GRM7: variants seen among roughly 807,000 people sequenced by gnomAD.
The protein encoded by GRM7 is glutamate metabotropic receptor 7.
In GRM7, 35 loss-of-function variants were observed where a neutral mutation model predicts 84.5. That is an observed-to-expected ratio of 0.41 (90% confidence interval 0.32 to 0.55). The LOEUF is 0.55. Ranked by LOEUF, GRM7 falls within the 20% of genes least tolerant of loss-of-function variation. The probability of loss-of-function intolerance (pLI) is 0.19; values close to 1 mark genes in which losing one functional copy is unlikely to be tolerated. For missense variants in GRM7, 1,003 were observed against 1,194.6 expected (o/e 0.84, Z 2.36); for synonymous variants, 487 against 455.1 (o/e 1.07, Z -0.89).
intron 2 of GRM7, among the ~76,000 whole-genome samples, chr3:7,293,424 G>A (rs1699705388): frequency 6.6e-6 from 1 of 152,122 alleles, no homozygotes; most frequent in African/African-American, 2.4e-5. Context: ...TCTCTTGTAT[G>A]TATCACTCTC....
chr3:7,010,817 C>G (rs1411889685), intron 1 of GRM7, among the ~76,000 whole-genome samples: 2 of 152,128 alleles, frequency 1.3e-5, no homozygotes, highest in South Asian at 2.1e-4. Flanking sequence ...GGGAAACTGT[C>G]TGGGCAAGAT....
At chr3:7,075,140 T>G (rs1258271954) in intron 1 of GRM7, among the ~76,000 whole-genome samples, 1 of 152,166 alleles carries the variant, frequency 6.6e-6, no homozygotes, top group East Asian at 1.9e-4. Flanking sequence ...GCTCAGAAGG[T>G]CCTGGAGTCT....
intron 1 of GRM7, among the ~76,000 whole-genome samples, chr3:6,905,323 T>C (rs1279954631): frequency 6.6e-6 from 1 of 152,230 alleles, no homozygotes; most frequent in Non-Finnish European, 1.5e-5. Flanking sequence ...CCATTTGTTA[T>C]ATGAAGCTCT....
At chr3:7,169,773 G>T (rs190569819) in intron 2 of GRM7, among the ~76,000 whole-genome samples, 1 of 152,096 alleles carries the variant, frequency 6.6e-6, no homozygotes, top group Admixed American at 6.5e-5. Context: ...AAATAGAGAC[G>T]TACTTTTGCC....
At chr3:7,684,512 A>C (rs1244743518) in intron 9 of GRM7, among the ~76,000 whole-genome samples, 1 of 152,192 alleles carries the variant, frequency 6.6e-6, no homozygotes, top group South Asian at 2.1e-4. Flanking sequence ...GCAGTTTGCC[A>C]TCTGGTGCAT....
chr3:7,719,457 C>T (rs527987106), intron 9 of GRM7, among the ~76,000 whole-genome samples: 17 of 152,192 alleles, frequency 1.1e-4, no homozygotes, highest in Admixed American at 9.8e-4. Context: ...AGAGTTTAGA[C>T]CTCTCTAGTA....
intron 2 of GRM7, among the ~76,000 whole-genome samples, chr3:7,192,462 G>C (rs532450890): frequency 6.6e-6 from 1 of 152,162 alleles, no homozygotes; most frequent in African/African-American, 2.4e-5. Context: ...GGTTGACCTC[G>C]ACTCTGTCAC....
rs555537087 is a variant in GRM7 at position 6,877,406 on chromosome 3, G to T, written c.519+15499G>T. ...AATAGCTTTGGATTTGTTATGAAAA[G>T]TGGGTATGTTCATGGACTTCATGGT... On this transcript the variant is annotated intron_variant, in intron 1 of 9. Coordinates refer to ENST00000357716, the MANE Select transcript of GRM7 (RefSeq NM_000844.4). 2.0e-5 allele frequency among the ~76,000 whole-genome samples: 3 copies of T among 152,300 alleles called. No individual in the cohort carries two copies. In the South Asian group the frequency reaches 6.2e-4, roughly 32 times the overall value.
chr3:7,172,024 G>A (rs1291746795), intron 2 of GRM7, among the ~76,000 whole-genome samples: 2 of 152,178 alleles, frequency 1.3e-5, no homozygotes, highest in Non-Finnish European at 2.9e-5. Flanking sequence ...GTCCGTCAGC[G>A]CTTATGTGGG....
intron 4 of GRM7, among the ~76,000 whole-genome samples, chr3:7,352,271 T>C (rs1693195352): frequency 6.6e-6 from 1 of 152,132 alleles, no homozygotes; most frequent in Non-Finnish European, 1.5e-5. Flanking sequence ...AACAAATGCA[T>C]TTGATATTCC....
At chr3:6,902,560 T>C (rs752009124) in intron 1 of GRM7, among the ~76,000 whole-genome samples, 1 of 152,180 alleles carries the variant, frequency 6.6e-6, no homozygotes, top group African/African-American at 2.4e-5. Flanking sequence ...ACTTGTTCTA[T>C]TATCTCTTAA....
intron 9 of GRM7, among the ~76,000 whole-genome samples, chr3:7,724,731 C>T (rs1356382725): frequency 6.6e-6 from 1 of 152,116 alleles, no homozygotes; most frequent in Non-Finnish European, 1.5e-5. Flanking sequence ...AACCAAGGAC[C>T]TCTCACCATT....
chr3:7,099,856 G>A lies in GRM7; in HGVS notation c.520-46596G>A, dbSNP rs9846295. Among the ~76,000 whole-genome samples, 395 of 58,294 alleles carry A rather than the reference G, an allele frequency of 6.8e-3. 130 individuals are homozygous for A. The African/African-American group carries it at 0.12, about 17-fold the overall frequency. The allele number at this position is 58,294 out of a possible 152,430, so 38.2% of individuals were successfully genotyped here. A position where few individuals can be genotyped will look rare whatever the true frequency, so the allele number is the denominator to read the frequency against. The stretch of plus-strand genomic sequence containing the variant: ...GTATATGTACACGCATTATACATGT[G>A]CACATATATGTATATGTACACGCAT... On this transcript the variant is annotated intron_variant, in intron 1 of 9. Coordinates refer to ENST00000357716, the MANE Select transcript of GRM7 (RefSeq NM_000844.4).
intron 4 of GRM7, among the ~76,000 whole-genome samples, chr3:7,311,875 A>C (rs1327686794): frequency 6.6e-6 from 1 of 152,158 alleles, no homozygotes; most frequent in South Asian, 2.1e-4. Context: ...GATTACAGGC[A>C]TAAGCCACTG....
At chr3:6,941,911 A>G (rs1239872554) in intron 1 of GRM7, among the ~76,000 whole-genome samples, 3 of 152,170 alleles carry the variant, frequency 2.0e-5, no homozygotes, top group Admixed American at 6.5e-5. Flanking sequence ...CTATTGTAAA[A>G]TTTGACAAGT....
intron 8 of GRM7, among the ~76,000 whole-genome samples, chr3:7,652,176 C>A (rs1256034395): frequency 6.6e-6 from 1 of 152,172 alleles, no homozygotes; most frequent in Non-Finnish European, 1.5e-5. Context: ...TGAAGTTAGT[C>A]TTCCAAACTG....
intron 2 of GRM7, among the ~76,000 whole-genome samples, chr3:7,218,025 G>A (rs2124866707): frequency 6.6e-6 from 1 of 151,928 alleles, no homozygotes; most frequent in Non-Finnish European, 1.5e-5. Context: ...AATATATTTA[G>A]CCAACCTTTG....
At chr3:7,514,762 G>A (rs17047500) in intron 7 of GRM7, among the ~76,000 whole-genome samples, 14,615 of 152,160 alleles carry the variant, frequency 0.096, 1,171 homozygotes, top group African/African-American at 0.22. Flanking sequence ...CCACTGTGAG[G>A]CTGACCTTGA....
At chr3:7,217,352 G>A (rs1276729176) in intron 2 of GRM7, among the ~76,000 whole-genome samples, 3 of 152,082 alleles carry the variant, frequency 2.0e-5, no homozygotes, top group African/African-American at 7.2e-5. Flanking sequence ...TTTCCCTATG[G>A]CATGCTGATG....
Sources: gnomAD v4.1 joint callset for allele counts (sites outside exome capture counted in the v4.1 genomes callset) on GRCh38, gnomAD v4.1.1 for gene constraint, MANE v1.5 for transcripts, NCBI Gene and HGNC (gene_info 2026-07-23, HGNC 2026-07-21) for gene names.